Variants in TNKS observed in about 807,000 individuals in gnomAD.
The protein encoded by TNKS is poly [ADP-ribose] polymerase tankyrase-1.
A neutral mutation model predicts 135.8 loss-of-function variants in TNKS; 72 were observed. The ratio of observed to expected loss-of-function variants is 0.53; its 90% CI spans 0.44 to 0.64. The LOEUF (loss-of-function observed/expected upper bound fraction) is 0.64, where lower values mean the gene tolerates loss of function less well. Among genes scored for constraint, TNKS ranks in the 30% least tolerant of loss-of-function variants. The pLI is 0.00. For missense variants in TNKS, 1,769 were observed against 1,674.0 expected, an observed-to-expected ratio of 1.06 and a Z score of -0.99; for synonymous variants, 849 against 649.3, an observed-to-expected ratio of 1.31 and a Z score of -4.68.
chr8:9,605,362 T>A (rs1363190456), intron 2 of TNKS, among the ~76,000 whole-genome samples: 1 of 152,120 alleles, frequency 6.6e-6, no homozygotes. Flanking sequence ...CTGAGTAGTA[T>A]TCTGTTGTAT....
At chr8:9,764,046 C>G (rs767375365) in intron 22 of TNKS, among the ~76,000 whole-genome samples, 1 of 152,074 alleles carries the variant, frequency 6.6e-6, no homozygotes, top group African/African-American at 2.4e-5. Context: ...CCTAATTCTC[C>G]TAGCAGTTAG....
intron 25 of TNKS, among the ~76,000 whole-genome samples, chr8:9,768,581 C>G (rs1441287518): frequency 6.6e-6 from 1 of 152,246 alleles, no homozygotes; most frequent in African/African-American, 2.4e-5. Context: ...CCATCTGCAG[C>G]TGCAGCTCAC....
intron 12 of TNKS, among the ~76,000 whole-genome samples, chr8:9,724,276 C>A (rs1045307936): frequency 2.0e-5 from 3 of 151,938 alleles, no homozygotes; most frequent in African/African-American, 7.3e-5. Context: ...ATGGCGAAAC[C>A]CCGTCTCTAC....
intron 2 of TNKS, among the ~76,000 whole-genome samples, chr8:9,588,371 T>A (rs1798466528): frequency 6.6e-6 from 1 of 152,074 alleles, no homozygotes; most frequent in Non-Finnish European, 1.5e-5. Flanking sequence ...GCCTCCCAGG[T>A]TCACGCCATG....
intron 12 of TNKS, among the ~76,000 whole-genome samples, chr8:9,724,097 A>G (rs766073499): frequency 2.0e-5 from 3 of 152,234 alleles, no homozygotes; most frequent in Non-Finnish European, 2.9e-5. Flanking sequence ...GAGCCAGAAA[A>G]AGATTGGAGA....
intron 6 of TNKS, 145 bp downstream of exon 6, chr8:9,704,902 T>C (rs528190374): frequency 2.9e-4 from 135 of 460,050 alleles, no homozygotes; most frequent in Admixed American, 1.9e-3. Context: ...TTTGAGGCTT[T>C]ATTTTCATGT....
At chr8:9,606,367 A>C (rs536536366) in intron 2 of TNKS, among the ~76,000 whole-genome samples, 106 of 152,136 alleles carry the variant, frequency 7.0e-4, no homozygotes, top group African/African-American at 2.5e-3. Flanking sequence ...TATGCTTCAT[A>C]ACACAAAGTA....
chr8:9,658,513 C>A (rs887547260), intron 3 of TNKS: 60 of 492,692 alleles, frequency 1.2e-4, no homozygotes, highest in African/African-American at 1.2e-3. Flanking sequence ...GAAATAAAAT[C>A]CTTTACAGAC....
chr8:9,614,945 A>G (rs1229086843), intron 2 of TNKS, among the ~76,000 whole-genome samples: 2 of 152,150 alleles, frequency 1.3e-5, no homozygotes, highest in Non-Finnish European at 1.5e-5. Context: ...GTGCCTTAGG[A>G]TATATTATAG....
In TNKS at chr8:9,763,136, C is replaced by G. The variant is rs201366855; in HGVS notation, c.3275-11C>G. On this transcript the variant is annotated splice_polypyrimidine_tract_variant and intron_variant, in intron 21 of 26. Transcript: ENST00000310430. ...ACTTTTGTTTTATATGTTAATTTTTCTCTCCGACAGGCACCAATCCTTATT... is the reference window on the plus strand; with the variant it reads ...ACTTTTGTTTTATATGTTAATTTTTGTCTCCGACAGGCACCAATCCTTATT... 1.7e-4 allele frequency: 228 copies of G among 1,347,662 alleles called. No homozygotes were observed. The African/African-American group carries it at 3.2e-3, about 19-fold the overall frequency. The allele number at this position is 1,347,662 out of a possible 1,614,324, so 83.5% of individuals were successfully genotyped here.
At chr8:9,637,361 G>T (rs560053943) in intron 3 of TNKS, among the ~76,000 whole-genome samples, 1 of 152,174 alleles carries the variant, frequency 6.6e-6, no homozygotes, top group South Asian at 2.1e-4. Context: ...TTCTTTCTTT[G>T]TGGGGAAACA....
chr8:9,637,987 G>C (rs1800575832), intron 3 of TNKS, among the ~76,000 whole-genome samples: 1 of 151,972 alleles, frequency 6.6e-6, no homozygotes, highest in Non-Finnish European at 1.5e-5. Context: ...ACATTTTCTA[G>C]AGATGGGATC....
At chr8:9,626,899 A>C (rs1800077141) in intron 3 of TNKS, among the ~76,000 whole-genome samples, 1 of 152,184 alleles carries the variant, frequency 6.6e-6, no homozygotes, top group Non-Finnish European at 1.5e-5. Context: ...AATATTTAGA[A>C]TCTTCGAAGT....
At position 9,556,581 on chromosome 8, in the gene TNKS, C is replaced by G; in HGVS notation, c.642C>G (p.Gly214=). ...AANVNAKDMA[G]RKSSPLHFAA... ...ACGTAAATGCAAAGGACATGGCCGG[C>G]CGGAAGTCTTCTCCCCTGCACTTCG... Residue 214 remains glycine (G), a synonymous_variant, in exon 1 of 27, where the codon GGC becomes GGG. Transcript: ENST00000310430. 6.2e-7 allele frequency: 1 copy of G among 1,613,784 alleles called. No individual in the cohort carries two copies. Among genetic ancestry groups the G allele is most frequent in the Non-Finnish European group, 8.5e-7 (1 of 1,180,040 alleles).
chr8:9,574,131 C>T (rs749702998), intron 1 of TNKS, among the ~76,000 whole-genome samples: 3 of 152,138 alleles, frequency 2.0e-5, no homozygotes, highest in Admixed American at 6.6e-5. Context: ...GCCAGCACAC[C>T]ACATAGTATA....
intron 3 of TNKS, among the ~76,000 whole-genome samples, chr8:9,625,936 G>A (rs1003669513): frequency 6.6e-6 from 1 of 151,986 alleles, no homozygotes; most frequent in Non-Finnish European, 1.5e-5. Flanking sequence ...GTTGGTTGAT[G>A]GTATCATTGA....
chr8:9,687,815 G>T (rs1393255879), intron 5 of TNKS, among the ~76,000 whole-genome samples: 1 of 152,218 alleles, frequency 6.6e-6, no homozygotes, highest in Non-Finnish European at 1.5e-5. Flanking sequence ...GGCCGTGAGT[G>T]TGAGTCATTA....
chr8:9,596,048 T>A (rs1225914138), intron 2 of TNKS, among the ~76,000 whole-genome samples: 28 of 152,074 alleles, frequency 1.8e-4, no homozygotes, highest in Admixed American at 1.7e-3. Context: ...GAGGTACAGG[T>A]TGCAGTGAGC....
At chr8:9,754,749 G>T (rs1806746626) in intron 20 of TNKS, among the ~76,000 whole-genome samples, 1 of 152,140 alleles carries the variant, frequency 6.6e-6, no homozygotes, top group African/African-American at 2.4e-5. Context: ...TTGTGCTGCT[G>T]TGTCAGCTTT....
Sources: allele counts gnomAD v4.1 joint callset (sites outside exome capture counted in the v4.1 genomes callset), GRCh38; gene constraint gnomAD v4.1.1; transcripts MANE v1.5; gene names NCBI Gene and HGNC (gene_info 2026-07-23, HGNC 2026-07-21).